Variants in ZNF540 observed in about 807,000 individuals in gnomAD.
The protein encoded by ZNF540 is CTD-3064H18.6.
ZNF540 carries 3 observed loss-of-function variants against 11.8 expected under a neutral mutation model. The ratio of observed to expected loss-of-function variants is 0.25; its 90% CI spans 0.12 to 0.65. The LOEUF is 0.65. Ranked by LOEUF, ZNF540 falls within the 30% of genes least tolerant of loss-of-function variation. The pLI is 0.83. For synonymous variants in ZNF540, 247 were observed against 259.0 expected, an observed-to-expected ratio of 0.95 and a Z score of 0.45; for missense variants, 709 against 793.1, an observed-to-expected ratio of 0.89 and a Z score of 1.27.
chr19:37,592,748 C>G (rs1462839402), upstream of ZNF540, among the ~76,000 whole-genome samples: 5 of 152,204 alleles, frequency 3.3e-5, no homozygotes, highest in African/African-American at 1.2e-4. Context: ...ACCTCTAGAT[C>G]TAACTGCCTG....
chr19:37,577,808 ACT>A (rs1286963712), intron 1 of ZNF540, among the ~76,000 whole-genome samples: 1 of 152,188 alleles, frequency 6.6e-6, no homozygotes, highest in Admixed American at 6.5e-5. Context: ...AGTGTGCACC[ACT>A]CTCAGGGAGA....
chr19:37,610,758 G>A (rs894474162), intron 4 of ZNF540, among the ~76,000 whole-genome samples: 22 of 152,152 alleles, frequency 1.4e-4, no homozygotes, highest in African/African-American at 4.3e-4. Context: ...ATGGTAACAT[G>A]TTTGGATTTT....
Position 37,611,657 on chromosome 19 carries a change from G to C in ZNF540, c.377G>C (p.Ser126Thr), listed in dbSNP as rs924742426. The change falls in exon 5 of 5, where the codon AGT becomes ACT. Residue 126 changes from serine (S) to threonine (T), a missense_variant. Transcript: ENST00000316433. ...TTTAGAAATGAGTGGCAGAACAAAA[G>C]TGAGTTTGAGGGTCAACAGGGACTT... ...SIFRNEWQNK[S>T]EFEGQQGLKE... is the part of the protein sequence containing the mutation. 2 of 1,613,974 alleles carry C rather than the reference G, an allele frequency of 1.2e-6. No homozygotes were observed. The highest frequency in any genetic ancestry group is 1.7e-6 in the Non-Finnish European group (2 of 1,179,964).
chr19:37,597,221 C>T (rs774134954), intron 1 of ZNF540, among the ~76,000 whole-genome samples: 7 of 151,580 alleles, frequency 4.6e-5, no homozygotes, highest in Admixed American at 6.6e-5. Context: ...AGTTTGGGTA[C>T]TGAGGGAGAA....
Position 37,555,905 on chromosome 19 carries a change from G to A in ZNF540, c.-73+4240G>A, listed in dbSNP as rs775748146. 8.4e-5 allele frequency: 59 copies of A among 700,714 alleles called. No individual in the cohort carries two copies. The South Asian group carries it at 8.7e-4, about 10-fold the overall frequency. 43.4% of individuals were successfully genotyped at this position (700,714 alleles called of 1,614,324 possible). Reference sequence around the variant, plus strand: ...AGCACGAGTTATGGAATGAAGATCTGGTTGATCCCCCAGAGTAGGTGGCTA... The same window carrying A: ...AGCACGAGTTATGGAATGAAGATCTAGTTGATCCCCCAGAGTAGGTGGCTA... On this transcript the variant is annotated intron_variant, in intron 1 of 4. Coordinates refer to the ZNF540 transcript ENST00000592533.
In ZNF540 at chr19:37,612,425, CT is replaced by C. The variant is rs2044138921; in HGVS notation, c.1147del (p.Tyr383MetfsTer26). 2 of 1,613,948 alleles carry C rather than the reference CT, an allele frequency of 1.2e-6. No individual in the cohort carries two copies. Among genetic ancestry groups the C allele is most frequent in the Admixed American group, 3.3e-5 (2 of 60,012 alleles). ...AGAAGAACTCATGCAGGTAAGAAAC[CT>C]TATGAATGTAAGGAGTGTGGGAAAT... ...EHRRTHAGKK[P>X]YECKECGKSF... is the part of the protein sequence containing the mutation. On this transcript the variant is annotated frameshift_variant, in exon 5 of 5. Coordinates refer to ENST00000316433, the MANE Select transcript of ZNF540 (RefSeq NM_001172225.3). LOFTEE classifies it low-confidence loss of function (END_TRUNC).
At chr19:37,558,152 T>C (rs562554078) in intron 1 of ZNF540, among the ~76,000 whole-genome samples, 8 of 152,326 alleles carry the variant, frequency 5.3e-5, no homozygotes, top group Admixed American at 5.2e-4. Flanking sequence ...TTTCATTCTG[T>C]ACCTCTTGGA....
rs2044150949 is a variant in ZNF540, at chr19:37,613,713, A to C, written c.*450A>C. On this transcript the variant is annotated 3_prime_UTR_variant, in exon 5 of 5. Transcript: ENST00000316433. ...AGTGGATTTCTTAATAGGAAGATGCAATGGAGATGACAAATTTGGAAAAAC... is the reference window on the plus strand; with the variant it reads ...AGTGGATTTCTTAATAGGAAGATGCCATGGAGATGACAAATTTGGAAAAAC... The C allele has an allele frequency of 5.0e-6, 2 of 398,206 alleles. No individual in the cohort carries two copies. Among genetic ancestry groups the C allele is most frequent in the Non-Finnish European group, 8.8e-6 (2 of 226,004 alleles). The allele number at this position is 398,206 out of a possible 1,614,324, so 24.7% of individuals were successfully genotyped here.
intron 4 of ZNF540, among the ~76,000 whole-genome samples, chr19:37,608,907 C>T (rs530352239): frequency 6.6e-6 from 1 of 152,224 alleles, no homozygotes; most frequent in East Asian, 1.9e-4. Flanking sequence ...TCCCAAAGTG[C>T]TGGGATTACA....
chr19:37,597,931 G>C (rs1245479814), intron 1 of ZNF540, among the ~76,000 whole-genome samples: 1 of 152,228 alleles, frequency 6.6e-6, no homozygotes, highest in African/African-American at 2.4e-5. Context: ...ATGGGCCATA[G>C]GTTGCAAACT....
intron 4 of ZNF540, among the ~76,000 whole-genome samples, chr19:37,604,992 G>C (rs555545321): frequency 1.3e-5 from 2 of 152,302 alleles, no homozygotes; most frequent in South Asian, 4.1e-4. Flanking sequence ...TTGCTGAATA[G>C]TATTTCATAT....
intron 4 of ZNF540, among the ~76,000 whole-genome samples, chr19:37,610,106 A>G (rs989644228): frequency 6.6e-6 from 1 of 152,220 alleles, no homozygotes; most frequent in African/African-American, 2.4e-5. Context: ...CTGTAAAGGA[A>G]GTAAGGTAGG....
chr19:37,593,571 C>A (rs1157725901), upstream of ZNF540, among the ~76,000 whole-genome samples: 1 of 152,022 alleles, frequency 6.6e-6, no homozygotes, highest in East Asian at 1.9e-4. Flanking sequence ...GGCATGGTGG[C>A]GGGCGCCTGT....
At chr19:37,594,166 C>G (rs1600550426), upstream of ZNF540, 1 of 152,252 alleles carries the variant, frequency 6.6e-6, no homozygotes, top group East Asian at 1.9e-4. Context: ...CTTCCTAAGA[C>G]ACTTCCAGGG....
At chr19:37,599,366 C>A (rs527339395) in intron 2 of ZNF540, among the ~76,000 whole-genome samples, 6 of 151,782 alleles carry the variant, frequency 4.0e-5, no homozygotes, top group Non-Finnish European at 8.8e-5. Flanking sequence ...TTTATTTGTT[C>A]CCAGAAATGT....
At chr19:37,593,460 C>T (rs1373849937), upstream of ZNF540, among the ~76,000 whole-genome samples, 2 of 152,102 alleles carry the variant, frequency 1.3e-5, no homozygotes, top group African/African-American at 4.8e-5. Context: ...TCCCAGCACT[C>T]TGGGAGGCCC....
intron 1 of ZNF540, chr19:37,565,443 G>C (rs2042819167): frequency 1.9e-6 from 3 of 1,613,040 alleles, no homozygotes; most frequent in Non-Finnish European, 2.5e-6. Flanking sequence ...TCACCAGTAT[G>C]AACTCTCTGA....
At chr19:37,593,853 C>A (rs1175550492), upstream of ZNF540, among the ~76,000 whole-genome samples, 1 of 152,120 alleles carries the variant, frequency 6.6e-6, no homozygotes, top group East Asian at 1.9e-4. Flanking sequence ...AAGGACCAGT[C>A]ACTAGCATGG....
chr19:37,564,037 T>G (rs982782223), intron 1 of ZNF540: 4 of 152,208 alleles, frequency 2.6e-5, no homozygotes, highest in Non-Finnish European at 5.9e-5. Context: ...TGGAAGTTTC[T>G]TCCTGGTGTG....
Sources: allele counts gnomAD v4.1 joint callset (sites outside exome capture counted in the v4.1 genomes callset), GRCh38; gene constraint gnomAD v4.1.1; transcripts MANE v1.5; gene names NCBI Gene and HGNC (gene_info 2026-07-23, HGNC 2026-07-21).